Variants in CADPS observed in about 807,000 individuals in gnomAD.
CADPS encodes calcium dependent secretion activator.
CADPS carries 57 observed loss-of-function variants against 167.3 expected under a neutral mutation model. The ratio of observed to expected loss-of-function variants is 0.34; its 90% CI spans 0.28 to 0.42. The LOEUF is 0.42. Among genes scored for constraint, CADPS ranks in the 20% least tolerant of loss-of-function variants. The pLI, the probability that CADPS is intolerant of heterozygous loss-of-function variation, is 1.00. For missense variants in CADPS, 1,414 were observed against 1,738.1 expected, an observed-to-expected ratio of 0.81 and a Z score of 3.32; for synonymous variants, 676 against 635.3, an observed-to-expected ratio of 1.06 and a Z score of -0.96.
At chr3:62,840,939 G>A (rs1183092409) in intron 1 of CADPS, among the ~76,000 whole-genome samples, 1 of 152,162 alleles carries the variant, frequency 6.6e-6, no homozygotes, top group Non-Finnish European at 1.5e-5. Flanking sequence ...AATAGAAACA[G>A]TTAGTTGGAA....
intron 28 of CADPS, among the ~76,000 whole-genome samples, chr3:62,405,139 G>GGC (rs1707956141): frequency 2.7e-5 from 1 of 36,830 alleles, no homozygotes; most frequent in African/African-American, 5.0e-5. Context: ...TGTAATCTGG[G>GGC]GGGGGGGGGG....
chr3:62,859,004 G>A (rs2080238015), intron 1 of CADPS, among the ~76,000 whole-genome samples: 1 of 152,078 alleles, frequency 6.6e-6, no homozygotes, highest in South Asian at 2.1e-4. Context: ...AGATTGTGCT[G>A]GAAACAAAAG....
chr3:62,743,796 C>G (rs1330207932), intron 3 of CADPS, among the ~76,000 whole-genome samples: 1 of 152,114 alleles, frequency 6.6e-6, no homozygotes, highest in African/African-American at 2.4e-5. Flanking sequence ...TAATTCTTAG[C>G]CAATATACAG....
chr3:62,810,684 A>G (rs1312454259), intron 1 of CADPS, among the ~76,000 whole-genome samples: 2 of 152,164 alleles, frequency 1.3e-5, no homozygotes, highest in Admixed American at 1.3e-4. Context: ...GTCATAGAAA[A>G]CTGAATAGCT....
At chr3:62,715,589 C>T (rs4688329) in intron 3 of CADPS, among the ~76,000 whole-genome samples, 96,143 of 149,996 alleles carry the variant, frequency 0.64, 31,157 homozygotes, top group East Asian at 0.77. Context: ...AGATAAAGTC[C>T]TTAAATAATA....
chr3:62,446,846 G>C lies in CADPS; in HGVS notation c.3637-1049C>G, dbSNP rs2057301664. ...AAGGAGCTACATTTGGGGTCAGAGA[G>C]GGTTTCCTGTTTTTACTGGGAACTA... is the stretch of plus-strand genomic sequence containing the variant. On this transcript the variant is annotated intron_variant, in intron 26 of 29. Coordinates refer to ENST00000383710, the MANE Select transcript of CADPS (RefSeq NM_003716.4). This position sits in a 1 kb window ranked among gnomAD's most constrained non-coding sequence, Gnocchi z 4.9. Among the ~76,000 whole-genome samples, 1 of 152,188 alleles carries C rather than the reference G, an allele frequency of 6.6e-6. No individual in the cohort carries two copies. Among genetic ancestry groups the C allele is most frequent in the African/African-American group, 2.4e-5 (1 of 41,444 alleles).
intron 3 of CADPS, among the ~76,000 whole-genome samples, chr3:62,711,774 A>G (rs1269580458): frequency 6.6e-6 from 1 of 152,156 alleles, no homozygotes; most frequent in Non-Finnish European, 1.5e-5. Context: ...TTGTTTGTTT[A>G]TTGATTCATT....
At chr3:62,668,744 C>T (rs1486807616) in intron 3 of CADPS, among the ~76,000 whole-genome samples, 1 of 152,114 alleles carries the variant, frequency 6.6e-6, no homozygotes, top group Non-Finnish European at 1.5e-5. Flanking sequence ...TCCCTGGCAC[C>T]TACTTACGTA....
At chr3:62,484,786 T>A (rs1476675685) in intron 21 of CADPS, among the ~76,000 whole-genome samples, 1 of 152,176 alleles carries the variant, frequency 6.6e-6, no homozygotes. Context: ...AGGGATAGAG[T>A]TGTACCTTTC....
At chr3:62,739,584 CA>C (rs1469399264) in intron 3 of CADPS, among the ~76,000 whole-genome samples, 7 of 152,162 alleles carry the variant, frequency 4.6e-5, no homozygotes, top group African/African-American at 1.7e-4. Flanking sequence ...AAGGATTTCA[CA>C]CTTCTTATCT....
intron 11 of CADPS, among the ~76,000 whole-genome samples, chr3:62,538,072 T>C (rs2075055495): frequency 6.6e-6 from 1 of 152,132 alleles, no homozygotes; most frequent in African/African-American, 2.4e-5. Flanking sequence ...ACACAGCTTT[T>C]GGAAAGGATA....
At chr3:62,563,185 T>C (rs1378706842) in intron 9 of CADPS, among the ~76,000 whole-genome samples, 1 of 151,304 alleles carries the variant, frequency 6.6e-6, no homozygotes, top group African/African-American at 2.4e-5. Context: ...AGACTATATC[T>C]GATAACCAGA....
At chr3:62,704,534 T>A (rs2081993656) in intron 3 of CADPS, among the ~76,000 whole-genome samples, 1 of 152,126 alleles carries the variant, frequency 6.6e-6, no homozygotes, top group Non-Finnish European at 1.5e-5. Context: ...CCAACTAGAA[T>A]CCCTAATTTG....
chr3:62,751,160 G>T lies in CADPS; in HGVS notation c.888+2281C>A, dbSNP rs139110985. 2.2e-3 allele frequency among the ~76,000 whole-genome samples: 329 copies of T among 152,058 alleles called. 1 individual carries two copies. The highest frequency in any genetic ancestry group is 7.3e-3 in the African/African-American group (304 of 41,486). ...CATCTCTATATTGTCATAGAAATGG[G>T]TATTATATGTTGTGAAATATTATCA... is the stretch of plus-strand genomic sequence containing the variant. On this transcript the variant is annotated intron_variant, in intron 3 of 29. Coordinates refer to ENST00000383710, the MANE Select transcript of CADPS (RefSeq NM_003716.4).
intron 8 of CADPS, among the ~76,000 whole-genome samples, chr3:62,579,120 G>T (rs926833440): frequency 6.6e-6 from 1 of 152,216 alleles, no homozygotes; most frequent in Admixed American, 6.5e-5. Context: ...ATTACTCCCG[G>T]TTGGTGGACT....
intron 3 of CADPS, among the ~76,000 whole-genome samples, chr3:62,670,481 G>A (rs1262821862): frequency 6.6e-6 from 1 of 152,106 alleles, no homozygotes; most frequent in Non-Finnish European, 1.5e-5. Flanking sequence ...AAGACCTTGG[G>A]TAGGTCAAAG....
At chr3:62,767,311 C>T (rs2087146273) in intron 1 of CADPS, among the ~76,000 whole-genome samples, 1 of 152,016 alleles carries the variant, frequency 6.6e-6, no homozygotes, top group Admixed American at 6.6e-5. Context: ...TCTGCATTGA[C>T]CTGAGAGTGA....
chr3:62,622,041 G>A (rs142742381), intron 6 of CADPS, among the ~76,000 whole-genome samples: 117 of 151,980 alleles, frequency 7.7e-4, no homozygotes, highest in Middle Eastern at 6.8e-3. Context: ...CACCTTTCTG[G>A]ATAAATCCAG....
At chr3:62,788,246 G>A (rs1361754169) in intron 1 of CADPS, among the ~76,000 whole-genome samples, 1 of 152,006 alleles carries the variant, frequency 6.6e-6, no homozygotes, top group African/African-American at 2.4e-5. Context: ...AAAATAAGAG[G>A]GTCTTGGAAG....
Sources: gnomAD v4.1 joint callset for allele counts (sites outside exome capture counted in the v4.1 genomes callset) on GRCh38, gnomAD v4.1.1 for gene constraint, Gnocchi (gnomAD v3.1) non-coding constraint, MANE v1.5 for transcripts, NCBI Gene and HGNC (gene_info 2026-07-23, HGNC 2026-07-21) for gene names.